The following DIS3L variants were observed in gnomAD, a reference collection of about 807,000 sequenced individuals.
DIS3L encodes the protein DIS3 like exosome 3'-5' exoribonuclease.
DIS3L carries 100 observed loss-of-function variants against 120.3 expected under a neutral mutation model. The observed-to-expected ratio is 0.83, with a 90% CI of 0.71 to 0.98. DIS3L has a LOEUF of 0.98. Ranked by LOEUF, DIS3L falls within the 50% of genes least tolerant of loss-of-function variation. The pLI is 0.00. For missense variants in DIS3L, 1,196 were observed against 1,314.2 expected, an observed-to-expected ratio of 0.91 and a Z score of 1.39; for synonymous variants, 426 against 470.6, an observed-to-expected ratio of 0.91 and a Z score of 1.23.
intron 4 of DIS3L, among the ~76,000 whole-genome samples, chr15:66,309,868 G>T (rs2092743279): frequency 6.6e-6 from 1 of 152,220 alleles, no homozygotes; most frequent in Non-Finnish European, 1.5e-5. Context: ...GTTGAGATGT[G>T]ATATTATTTA....
chr15:66,330,296 A>G, intron 14 of DIS3L: 3 of 324,682 alleles, frequency 9.2e-6, no homozygotes, highest in Non-Finnish European at 1.3e-5. Context: ...AACTCCGTCT[A>G]AAAAAAAAAA....
rs200553789 is a variant in DIS3L, at chr15:66,322,207, GATA to G, written c.1327-474_1327-472del. Among the ~76,000 whole-genome samples the G allele has an allele frequency of 4.6e-5, 7 of 152,206 alleles. No homozygotes were observed. In the East Asian group the frequency reaches 1.3e-3, roughly 29 times the overall value. On this transcript the variant is annotated intron_variant, in intron 9 of 16. Coordinates refer to ENST00000319212, the MANE Select transcript of DIS3L (RefSeq NM_001143688.3). ...TAACTGCAAATTGATGGCTTAAACAGATAATAATGGAGAGAAAATGCCCTAGAT... is the reference window on the plus strand; with the variant it reads ...TAACTGCAAATTGATGGCTTAAACAGATAATGGAGAGAAAATGCCCTAGAT...
At position 66,326,185 on chromosome 15, in the gene DIS3L, C is replaced by G; in HGVS notation, c.2022C>G (p.Pro674=). ...KNIHDLIPKQ[P]LEVHETVAEC... ...TTCACGACCTCATCCCCAAGCAGCC[C>G]CTGGAAGTCCACGAGACAGTGGCTG... is the stretch of plus-strand genomic sequence containing the variant. Residue 674 remains proline (P), a synonymous_variant, in exon 12 of 17, where the codon CCC becomes CCG. Coordinates refer to ENST00000319212, the MANE Select transcript of DIS3L (RefSeq NM_001143688.3). The G allele has an allele frequency of 1.9e-6, 3 of 1,614,184 alleles. No individual in the cohort carries two copies. In the South Asian group the frequency reaches 3.3e-5, roughly 18 times the overall value.
At chr15:66,321,527 G>A (rs2092883166) in intron 9 of DIS3L, among the ~76,000 whole-genome samples, 2 of 152,104 alleles carry the variant, frequency 1.3e-5, no homozygotes, top group African/African-American at 4.8e-5. Context: ...ACTTTGGGAG[G>A]CCAAGGCAGG....
chr15:66,314,892 C>A, intron 6 of DIS3L, 144 bp from the exon 7 acceptor site: 1 of 820,386 alleles, frequency 1.2e-6, no homozygotes, highest in Non-Finnish European at 1.9e-6. Flanking sequence ...ACCTGCAGAA[C>A]AAAAGTTTGA....
At position 66,293,582 on chromosome 15, in the gene DIS3L, G is replaced by A. The variant is rs2092545695; in HGVS notation, c.-15G>A. 4 of 1,424,730 alleles carry A rather than the reference G, an allele frequency of 2.8e-6. No homozygotes were observed. The highest frequency in any genetic ancestry group is 3.7e-6 in the Non-Finnish European group (4 of 1,088,704). 88.3% of individuals were successfully genotyped at this position (1,424,730 alleles called of 1,614,324 possible). A position where few individuals can be genotyped will look rare whatever the true frequency, so the allele number is the denominator to read the frequency against. On this transcript the variant is annotated 5_prime_UTR_variant, in exon 1 of 17. Coordinates refer to ENST00000319212, the MANE Select transcript of DIS3L (RefSeq NM_001143688.3). ...CCGCGCCCGCCACTCCGCGGCCGCC[G>A]GGAGACACGCCGCCATGCTGCAGAA... is the stretch of plus-strand genomic sequence containing the variant.
chr15:66,308,108 T>C (rs557282600), intron 3 of DIS3L, among the ~76,000 whole-genome samples: 10 of 152,228 alleles, frequency 6.6e-5, no homozygotes, highest in African/African-American at 2.4e-4. Flanking sequence ...GGAATTGAGG[T>C]TGCAGTGAGC....
chr15:66,331,870 T>A lies in DIS3L; in HGVS notation c.2536-5T>A. The A allele has an allele frequency of 6.4e-7, 1 of 1,573,166 alleles. No homozygotes were observed. Among genetic ancestry groups the A allele is most frequent in the Non-Finnish European group, 8.6e-7 (1 of 1,160,718 alleles). Reference sequence around the variant, plus strand: ...TAAAATGCTTTGGAGTTGTGCTTCTTACAGGCAGCACAGCATTCTCAGAAG... The same window carrying A: ...TAAAATGCTTTGGAGTTGTGCTTCTAACAGGCAGCACAGCATTCTCAGAAG... On this transcript the variant is annotated splice_polypyrimidine_tract_variant and splice_region_variant and intron_variant, in intron 14 of 16. Coordinates refer to ENST00000319212, the MANE Select transcript of DIS3L (RefSeq NM_001143688.3).
At chr15:66,299,976 G>T (rs1178961710) in intron 2 of DIS3L, among the ~76,000 whole-genome samples, 7 of 152,120 alleles carry the variant, frequency 4.6e-5, no homozygotes. Context: ...GCTTGAACCT[G>T]GGAGGCGGAG....
chr15:66,305,622 T>TTA (rs1278678863), intron 2 of DIS3L, among the ~76,000 whole-genome samples: 1 of 151,946 alleles, frequency 6.6e-6, no homozygotes, highest in Non-Finnish European at 1.5e-5. Flanking sequence ...ACTCCTGGGC[T>TTA]TAAAGGACCC....
rs756021935 is a variant in DIS3L, at chr15:66,331,959, T to C, written c.2620T>C (p.Cys874Arg). The C allele has an allele frequency of 6.2e-7, 1 of 1,613,498 alleles. No individual in the cohort carries two copies. The highest frequency in any genetic ancestry group is 8.5e-7 in the Non-Finnish European group (1 of 1,179,732). ...CAAAGACCCTGCCACCGAGGAGCGT[T>C]GCATATCTGACGGAGTTATTTATTC... ...KDKDPATEER[C>R]ISDGVIYSIR... is the part of the protein sequence containing the mutation. Residue 874 changes from cysteine (C) to arginine (R), a missense_variant, in exon 15 of 17, where the codon TGC becomes CGC. Cys to Arg is a radical substitution (Grantham distance 180). Transcript: ENST00000319212.
At chr15:66,294,779 T>C (rs2140310423) in intron 1 of DIS3L, among the ~76,000 whole-genome samples, 1 of 152,330 alleles carries the variant, frequency 6.6e-6, no homozygotes, top group Non-Finnish European at 1.5e-5. Flanking sequence ...ATAAACCACG[T>C]TGAGCTTGTA....
At position 66,318,451 on chromosome 15, in the gene DIS3L, C is replaced by G. The variant is rs141249657; in HGVS notation, c.997C>G (p.Arg333Gly). ...TGTTTTGTTTTGTTTTGCCAAAGGT[C>G]GAGTGGTGGGCATACTTCAGAAGAA... ...ESPSEPMPTG[R>G]VVGILQKNWR... The change falls in exon 8 of 17, where the codon CGA (arginine) becomes GGA (glycine). Residue 333 changes from arginine to glycine, a missense_variant and splice_region_variant. Physicochemically the swap from Arg to Gly is moderately radical, Grantham distance 125. Coordinates refer to ENST00000319212, the MANE Select transcript of DIS3L (RefSeq NM_001143688.3). 4.3e-6 allele frequency: 7 copies of G among 1,613,172 alleles called. No individual in the cohort carries two copies. In the South Asian group the frequency reaches 5.5e-5, roughly 13 times the overall value.
At chr15:66,327,560 A>G (rs959870574) in intron 12 of DIS3L, among the ~76,000 whole-genome samples, 1 of 151,730 alleles carries the variant, frequency 6.6e-6, no homozygotes, top group Admixed American at 6.6e-5. Context: ...GATCGAGACC[A>G]TTCTGGCTAA....
chr15:66,296,546 T>C (rs1487086552), intron 2 of DIS3L, among the ~76,000 whole-genome samples: 2 of 149,216 alleles, frequency 1.3e-5, no homozygotes, highest in East Asian at 3.9e-4. Flanking sequence ...AGATGGAGTC[T>C]GGCTCTGTCG....
chr15:66,318,539 C>T lies in DIS3L; in HGVS notation c.1085C>T (p.Ala362Val), dbSNP rs927563859. 8 of 1,613,896 alleles carry T rather than the reference C, an allele frequency of 5.0e-6. No homozygotes were observed. The Admixed American group carries it at 6.7e-5, about 13-fold the overall frequency. ...GAGGTCCAATCTCAGGGCAAAAATG[C>T]TCAGAAAATCCTGGTTACACCTTGG... ...KEEVQSQGKNAQKILVTPWDY... is the reference protein window; with the variant it reads ...KEEVQSQGKNVQKILVTPWDY... The change falls in exon 8 of 17, where the codon GCT becomes GTT. Residue 362 changes from alanine to valine, a missense_variant. Coordinates refer to ENST00000319212, the MANE Select transcript of DIS3L (RefSeq NM_001143688.3).
chr15:66,323,737 C>A, intron 11 of DIS3L, 152 bp downstream of exon 11: 2 of 699,668 alleles, frequency 2.9e-6, no homozygotes, highest in Admixed American at 2.6e-5. Context: ...CGACCCCAAC[C>A]CCACACCACT....
chr15:66,319,032 C>CCACCA (rs1404512506), intron 8 of DIS3L, among the ~76,000 whole-genome samples: 1 of 152,110 alleles, frequency 6.6e-6, no homozygotes, highest in African/African-American at 2.4e-5. Context: ...ACCTCATGAT[C>CCACCA]CACCACCTCC....
At chr15:66,322,588 T>C in intron 9 of DIS3L, 99 bp from the exon 10 acceptor site, 15 of 1,526,170 alleles carry the variant, frequency 9.8e-6, no homozygotes, top group South Asian at 1.3e-5. Flanking sequence ...TAATTGAGAA[T>C]GAATGAATTT....
Sources: allele counts gnomAD v4.1 joint callset (sites outside exome capture counted in the v4.1 genomes callset), GRCh38; gene constraint gnomAD v4.1.1; transcripts MANE v1.5; gene names NCBI Gene and HGNC (gene_info 2026-07-23, HGNC 2026-07-21).